The following PPP2R2C variants were observed in gnomAD, a reference collection of about 807,000 sequenced individuals.
The protein encoded by PPP2R2C is protein phosphatase 2, regulatory subunit B, gamma.
In PPP2R2C, 10 loss-of-function variants were observed where a neutral mutation model predicts 45.3. The ratio of observed to expected loss-of-function variants is 0.22; its 90% CI spans 0.14 to 0.37. PPP2R2C has a LOEUF of 0.37. Among genes scored for constraint, PPP2R2C ranks in the 10% least tolerant of loss-of-function variants. The pLI is 1.00. For missense variants in PPP2R2C, 308 were observed against 619.7 expected (o/e 0.50, Z 5.34); for synonymous variants, 257 against 245.4 (o/e 1.05, Z -0.44).
chr4:6,434,624 G>T (rs1046933930), intron 1 of PPP2R2C, among the ~76,000 whole-genome samples: 4 of 152,066 alleles, frequency 2.6e-5, no homozygotes, highest in African/African-American at 9.7e-5. Context: ...CTCCCAAAGT[G>T]CTGGGATTAC....
intron 1 of PPP2R2C, chr4:6,382,205 T>C (rs988083990): frequency 6.7e-5 from 80 of 1,200,886 alleles, no homozygotes; most frequent in Non-Finnish European, 8.1e-5. Context: ...ACCATCCCCA[T>C]AGGCCCAAGC....
chr4:6,327,313 C>T (rs772832310), intron 8 of PPP2R2C, among the ~76,000 whole-genome samples: 2 of 152,096 alleles, frequency 1.3e-5, no homozygotes, highest in East Asian at 1.9e-4. Flanking sequence ...TAGGACAGGG[C>T]GTGGCTGGCG....
Position 6,472,593 on chromosome 4 carries a change from C to G in PPP2R2C, c.-364G>C, listed in dbSNP as rs1046537468. Reference sequence around the variant, plus strand: ...GCGCGCGGCGCTGCGCTGCGCCGACCAAGCCGGGGCCGAGCCGGGCTGCGC... The same window carrying G: ...GCGCGCGGCGCTGCGCTGCGCCGACGAAGCCGGGGCCGAGCCGGGCTGCGC... On this transcript the variant is annotated 5_prime_UTR_variant, in exon 1 of 9. Transcript: ENST00000382599. 2 of 146,396 alleles carry G rather than the reference C, an allele frequency of 1.4e-5. No homozygotes were observed. Among genetic ancestry groups the G allele is most frequent in the East Asian group, 2.0e-4 (1 of 5,074 alleles). 9.1% of individuals were successfully genotyped at this position (146,396 alleles called of 1,614,324 possible). A position where few individuals can be genotyped will look rare whatever the true frequency, so the allele number is the denominator to read the frequency against.
intron 6 of PPP2R2C, among the ~76,000 whole-genome samples, chr4:6,334,960 C>T (rs995302199): frequency 6.6e-6 from 1 of 152,194 alleles, no homozygotes; most frequent in African/African-American, 2.4e-5. Context: ...TGGCAGCACC[C>T]CATTCTCCCT....
At chr4:6,424,684 A>C (rs1330340312) in intron 1 of PPP2R2C, among the ~76,000 whole-genome samples, 1 of 152,152 alleles carries the variant, frequency 6.6e-6, no homozygotes, top group Non-Finnish European at 1.5e-5. Flanking sequence ...AGTGAGGGGA[A>C]GGGCATGGAG....
intron 5 of PPP2R2C, among the ~76,000 whole-genome samples, chr4:6,371,410 G>T (rs1714817582): frequency 6.6e-6 from 1 of 152,202 alleles, no homozygotes; most frequent in African/African-American, 2.4e-5. Context: ...GCTCCCCACA[G>T]CTATCCCGGC....
intron 2 of PPP2R2C, among the ~76,000 whole-genome samples, chr4:6,511,525 ATGGTGGTGGTGGTGG>A (rs758738312): frequency 2.2e-4 from 1 of 4,646 alleles, no homozygotes. Flanking sequence ...GGTGGTGGTG[ATGGTGGTGGTGGTGG>A]TGGTGATGGT....
At chr4:6,422,053 AT>A (rs33996768) in intron 1 of PPP2R2C, among the ~76,000 whole-genome samples, 90 of 149,416 alleles carry the variant, frequency 6.0e-4, no homozygotes, top group East Asian at 3.2e-3. Flanking sequence ...CATTGGTGCA[AT>A]TTTTTTTTTT....
At chr4:6,537,903 G>A (rs1419712868) in intron 1 of PPP2R2C, among the ~76,000 whole-genome samples, 1 of 152,112 alleles carries the variant, frequency 6.6e-6, no homozygotes, top group South Asian at 2.1e-4. Flanking sequence ...AATACTGTGT[G>A]ATTCCACTTA....
At position 6,330,080 on chromosome 4, in the gene PPP2R2C, C is replaced by G. The variant is rs1732284773; in HGVS notation, c.961-727G>C. 6.6e-6 allele frequency among the ~76,000 whole-genome samples: 1 copy of G among 152,092 alleles called. No homozygotes were observed. The highest frequency in any genetic ancestry group is 2.1e-4 in the South Asian group (1 of 4,828). ...GGTCACACAGCCTCTAAGAGGCTGA[C>G]CAGGACCCTTCCCCAGGATTCCCGT... On this transcript the variant is annotated intron_variant, in intron 7 of 8. Coordinates refer to ENST00000382599, the MANE Select transcript of PPP2R2C (RefSeq NM_020416.4). The surrounding 1 kb of genome is among the most constrained non-coding windows in gnomAD (Gnocchi z 7.0).
rs1407808785 is a variant in PPP2R2C at position 6,378,004 on chromosome 4, CTT to C, written c.334+401_334+402del. Among the ~76,000 whole-genome samples the C allele has an allele frequency of 5.3e-5, 8 of 152,210 alleles. 1 individual carries two copies. The East Asian group carries it at 7.7e-4, about 15-fold the overall frequency. On this transcript the variant is annotated intron_variant, in intron 3 of 8. Transcript: ENST00000382599. The surrounding 1 kb of genome is among the most constrained non-coding windows in gnomAD (Gnocchi z 5.2). ...ATTCGGCGTGGGGAGGAGGGGTTCA[CTT>C]TGTGTCAAATATCCCCCGTGTCTGC...
At chr4:6,442,891 C>T (rs936917580) in intron 1 of PPP2R2C, among the ~76,000 whole-genome samples, 2 of 152,234 alleles carry the variant, frequency 1.3e-5, no homozygotes, top group African/African-American at 4.8e-5. Context: ...GGACGCTCTG[C>T]GTGATGAGTT....
At chr4:6,503,806 AAAC>A (rs918570745) in intron 2 of PPP2R2C, among the ~76,000 whole-genome samples, 6 of 152,006 alleles carry the variant, frequency 3.9e-5, no homozygotes, top group African/African-American at 1.4e-4. Context: ...AAAAAAAAAA[AAAC>A]AAAAACTGAG....
At chr4:6,421,108 C>T in intron 1 of PPP2R2C, 1 of 985,254 alleles carries the variant, frequency 1.0e-6, no homozygotes, top group Non-Finnish European at 1.2e-6. Context: ...TCTGTTTCCC[C>T]CAAAACACAT....
intron 1 of PPP2R2C, among the ~76,000 whole-genome samples, chr4:6,394,700 C>T (rs1348308777): frequency 6.6e-6 from 1 of 152,222 alleles, no homozygotes; most frequent in Admixed American, 6.5e-5. Flanking sequence ...CTCAGCCGGG[C>T]CAGATGGCCT....
intron 2 of PPP2R2C, among the ~76,000 whole-genome samples, chr4:6,486,488 T>A (rs940907530): frequency 2.0e-5 from 3 of 152,098 alleles, no homozygotes; most frequent in African/African-American, 7.2e-5. Context: ...AACCTCCAAC[T>A]ATAATTGTAG....
chr4:6,323,730 G>T, intron 8 of PPP2R2C, 137 bp from the exon 9 acceptor site: 1 of 857,546 alleles, frequency 1.2e-6, no homozygotes, highest in Non-Finnish European at 1.7e-6. Context: ...CAGCCTAGGA[G>T]TTCAAGACCA....
At chr4:6,418,382 C>T (rs1054086117) in intron 1 of PPP2R2C, among the ~76,000 whole-genome samples, 1 of 152,188 alleles carries the variant, frequency 6.6e-6, no homozygotes, top group African/African-American at 2.4e-5. Flanking sequence ...TTAAGACACT[C>T]ATCAAGGGCC....
At position 6,364,143 on chromosome 4, in the gene PPP2R2C, G is replaced by A. The variant is rs997361287; in HGVS notation, c.625+8380C>T. 2.0e-5 allele frequency among the ~76,000 whole-genome samples: 3 copies of A among 152,198 alleles called. No individual in the cohort carries two copies. Among genetic ancestry groups the A allele is most frequent in the Non-Finnish European group, 4.4e-5 (3 of 68,032 alleles). On this transcript the variant is annotated intron_variant, in intron 5 of 8. Coordinates refer to ENST00000382599, the MANE Select transcript of PPP2R2C (RefSeq NM_020416.4). This position sits in a 1 kb window ranked among gnomAD's most constrained non-coding sequence, Gnocchi z 5.3. ...GGCCAAGCCTCTAGGGAAGGGGCTC[G>A]AGGGAGTCATGGAGGGGATGGACTA... is the stretch of plus-strand genomic sequence containing the variant.
Sources: allele counts gnomAD v4.1 joint callset (sites outside exome capture counted in the v4.1 genomes callset), GRCh38; gene constraint gnomAD v4.1.1; non-coding constraint Gnocchi (gnomAD v3.1); transcripts MANE v1.5; gene names NCBI Gene and HGNC (gene_info 2026-07-23, HGNC 2026-07-21).